Variants in NCOA2 observed in about 807,000 individuals in gnomAD.
NCOA2 encodes the protein class E basic helix-loop-helix protein 75.
A neutral mutation model predicts 145.1 loss-of-function variants in NCOA2; 21 were observed. The ratio of observed to expected loss-of-function variants is 0.14; its 90% CI spans 0.10 to 0.21. NCOA2 has a LOEUF of 0.21. Among genes scored for constraint, NCOA2 ranks in the 10% least tolerant of loss-of-function variants. The probability of loss-of-function intolerance (pLI) is 1.00; values close to 1 mark genes in which losing one functional copy is unlikely to be tolerated. For synonymous variants in NCOA2, 619 were observed against 637.5 expected, an observed-to-expected ratio of 0.97 and a Z score of 0.44; for missense variants, 1,472 against 1,837.6, an observed-to-expected ratio of 0.80 and a Z score of 3.64.
At chr8:70,158,745 C>G (rs550165448) in intron 10 of NCOA2, among the ~76,000 whole-genome samples, 3 of 152,218 alleles carry the variant, frequency 2.0e-5, no homozygotes, top group East Asian at 1.9e-4. Context: ...GAGCAAGACT[C>G]TGCCTCAAAA....
chr8:70,186,220 G>C (rs1192081338), intron 4 of NCOA2, among the ~76,000 whole-genome samples: 1 of 152,134 alleles, frequency 6.6e-6, no homozygotes, highest in Non-Finnish European at 1.5e-5. Flanking sequence ...CTAACCATTA[G>C]AAGGTCTATG....
At chr8:70,441,907 C>T in the NCOA2 span, among the ~76,000 whole-genome samples, 1 of 140,282 alleles carries the variant, frequency 7.1e-6, no homozygotes, top group South Asian at 2.2e-4. Context: ...CTGCATTTAA[C>T]AGGGTCACAG....
At chr8:70,252,593 C>T (rs1326236203) in intron 2 of NCOA2, among the ~76,000 whole-genome samples, 3 of 152,126 alleles carry the variant, frequency 2.0e-5, no homozygotes, top group Non-Finnish European at 4.4e-5. Context: ...ATTAACTTTT[C>T]CCAAATAGAG....
chr8:70,313,556 C>G (rs549668967), intron 1 of NCOA2, among the ~76,000 whole-genome samples: 5 of 152,196 alleles, frequency 3.3e-5, no homozygotes, highest in African/African-American at 9.6e-5. Flanking sequence ...ATTGTGGGCT[C>G]TAGTCTCAAA....
At chr8:70,344,064 CT>C (rs972261427) in intron 1 of NCOA2, among the ~76,000 whole-genome samples, 2 of 152,122 alleles carry the variant, frequency 1.3e-5, no homozygotes, top group African/African-American at 4.8e-5. Context: ...CAACAAAAGC[CT>C]TTTAAACCCG....
chr8:70,110,461 C>T lies in NCOA2; in HGVS notation c.*3171G>A. The T allele has an allele frequency of 1.0e-5, 2 of 196,610 alleles. No homozygotes were observed. The highest frequency in any genetic ancestry group is 3.8e-4 in the South Asian group (2 of 5,222). The allele number at this position is 196,610 out of a possible 1,614,324, so 12.2% of individuals were successfully genotyped here. On this transcript the variant is annotated 3_prime_UTR_variant, in exon 23 of 23. Transcript: ENST00000452400. ...CCAGGGAGAAAATTCTAATTAAAAT[C>T]GAAGCCACTACAGTAATTTTCTTTT...
intron 4 of NCOA2, among the ~76,000 whole-genome samples, chr8:70,176,957 C>T (rs1382176133): frequency 6.6e-6 from 1 of 152,202 alleles, no homozygotes; most frequent in Non-Finnish European, 1.5e-5. Flanking sequence ...TCTCAAGGCC[C>T]ATATAAAACA....
intron 1 of NCOA2, among the ~76,000 whole-genome samples, chr8:70,380,604 C>T (rs529800290): frequency 6.6e-6 from 1 of 152,142 alleles, no homozygotes; most frequent in Non-Finnish European, 1.5e-5. Context: ...TTTCTCTCCC[C>T]TAGACTATAT....
intron 1 of NCOA2, among the ~76,000 whole-genome samples, chr8:70,392,848 C>T (rs1813328942): frequency 6.6e-6 from 1 of 152,160 alleles, no homozygotes; most frequent in South Asian, 2.1e-4. Flanking sequence ...ACTGAAGTGA[C>T]AAAGCCAAAA....
chr8:70,391,821 T>G (rs1813230411), intron 1 of NCOA2, among the ~76,000 whole-genome samples: 1 of 152,212 alleles, frequency 6.6e-6, no homozygotes. Flanking sequence ...AACAGCCATT[T>G]TGGGGACAGC....
intron 4 of NCOA2, among the ~76,000 whole-genome samples, chr8:70,212,244 G>A (rs1819121220): frequency 6.6e-6 from 1 of 151,934 alleles, no homozygotes; most frequent in African/African-American, 2.4e-5. Flanking sequence ...CAACTTCAAG[G>A]CACTGGTTAA....
At chr8:70,435,857 T>G in the NCOA2 span, among the ~76,000 whole-genome samples, 1 of 152,126 alleles carries the variant, frequency 6.6e-6, no homozygotes, top group Non-Finnish European at 1.5e-5. Context: ...AGAGACAAGG[T>G]CTTGCTATGT....
At chr8:70,405,162 G>C (rs1745506563), upstream of NCOA2, among the ~76,000 whole-genome samples, 1 of 152,156 alleles carries the variant, frequency 6.6e-6, no homozygotes, top group Non-Finnish European at 1.5e-5. Context: ...GCCCAGTTCT[G>C]GTGAGCTCCA....
chr8:70,446,229 G>A, the NCOA2 span, among the ~76,000 whole-genome samples: 37,536 of 152,084 alleles, frequency 0.25, 4,870 homozygotes, highest in East Asian at 0.35. Context: ...CTCACTCGGA[G>A]AACTGGGAGA....
intron 13 of NCOA2, among the ~76,000 whole-genome samples, chr8:70,142,692 C>T (rs1339806631): frequency 4.6e-5 from 7 of 151,954 alleles, no homozygotes; most frequent in African/African-American, 1.7e-4. Flanking sequence ...AAGTAAGACT[C>T]TGTCTCAAAA....
intron 22 of NCOA2, among the ~76,000 whole-genome samples, chr8:70,116,846 G>A (rs1005290527): frequency 6.6e-6 from 1 of 152,208 alleles, no homozygotes; most frequent in African/African-American, 2.4e-5. Flanking sequence ...GAAAGTTGAC[G>A]AGGTTATCAG....
intron 1 of NCOA2, among the ~76,000 whole-genome samples, chr8:70,303,583 C>G (rs1194635076): frequency 6.6e-6 from 1 of 152,152 alleles, no homozygotes; most frequent in Admixed American, 6.5e-5. Flanking sequence ...ACGGCATGTA[C>G]AAATGATTGC....
chr8:70,349,384 A>G (rs1586565696), intron 1 of NCOA2, among the ~76,000 whole-genome samples: 1 of 152,314 alleles, frequency 6.6e-6, no homozygotes, highest in East Asian at 1.9e-4. Context: ...GTAATATTCT[A>G]AAGAAATGTA....
chr8:70,374,758 T>G (rs1273368670), intron 1 of NCOA2, among the ~76,000 whole-genome samples: 1 of 148,346 alleles, frequency 6.7e-6, no homozygotes, highest in Non-Finnish European at 1.5e-5. Flanking sequence ...GCTATGATCA[T>G]GCTACTGCAC....
Sources: gnomAD v4.1 joint callset for allele counts (sites outside exome capture counted in the v4.1 genomes callset) on GRCh38, gnomAD v4.1.1 for gene constraint, MANE v1.5 for transcripts, NCBI Gene and HGNC (gene_info 2026-07-23, HGNC 2026-07-21) for gene names.